Variants in KIF7 observed in about 807,000 individuals in gnomAD.
The protein encoded by KIF7 is kinesin-like protein KIF7.
A neutral mutation model predicts 135.7 loss-of-function variants in KIF7; 104 were observed. That is an observed-to-expected ratio of 0.77 (90% confidence interval 0.65 to 0.90). The LOEUF (loss-of-function observed/expected upper bound fraction) is 0.90. Ranked by LOEUF, KIF7 falls within the 40% of genes least tolerant of loss-of-function variation. The pLI is 0.00. For missense variants in KIF7, 2,005 were observed against 1,839.1 expected (o/e 1.09, Z -1.65); for synonymous variants, 883 against 809.4 (o/e 1.09, Z -1.54).
chr15:89,642,245 C>T lies in KIF7; in HGVS notation c.2352G>A (p.Gln784=), dbSNP rs767069973. The change falls in exon 11 of 19, where the codon CAG becomes CAA. Residue 784 remains glutamine (Q), a synonymous_variant. Transcript: ENST00000394412. ...CCGCAGCGACCCTCCTGCGGAACTC[C>T]TGGAGCCGAGACCGCTCGCCAGCAT... is the stretch of plus-strand genomic sequence containing the variant. ...LQDAGERSRL[Q]EFRRRVAAAQ... 4 of 1,610,486 alleles carry T rather than the reference C, an allele frequency of 2.5e-6. No individual in the cohort carries two copies. The highest frequency in any genetic ancestry group is 2.5e-6 in the Non-Finnish European group (3 of 1,179,772).
At chr15:89,624,048 C>A (rs905912735), downstream of KIF7, 9 of 1,613,878 alleles carry the variant, frequency 5.6e-6, no homozygotes, top group Admixed American at 1.2e-4. Flanking sequence ...CCATCAGAGA[C>A]CCTCTCAGAA....
Position 89,649,312 on chromosome 15 carries a change from G to C in KIF7, c.585C>G (p.Leu195=). Residue 195 remains leucine, a synonymous_variant, in exon 4 of 19, where the codon CTC becomes CTG. Transcript: ENST00000394412. ...GCCGCGCCGCGTTGCCCATCTCCAG[G>C]AGGCTCAGCACCTCATCCAGGCCCT... ...DVEGLDEVLS[L]LEMGNAARHT... is the part of the protein sequence containing the mutation. 3 of 1,486,924 alleles carry C rather than the reference G, an allele frequency of 2.0e-6. No individual in the cohort carries two copies. The highest frequency in any genetic ancestry group is 2.7e-6 in the Non-Finnish European group (3 of 1,112,968). The allele number at this position is 1,486,924 out of a possible 1,614,324, so 92.1% of individuals were successfully genotyped here.
chr15:89,626,098 A>G (rs1259674908), downstream of KIF7: 2 of 1,604,638 alleles, frequency 1.2e-6, no homozygotes, highest in African/African-American at 1.3e-5. Flanking sequence ...CTTTCCTGTG[A>G]CAGACTGTCT....
intron 1 of KIF7, among the ~76,000 whole-genome samples, chr15:89,654,464 G>A (rs1964177227): frequency 6.6e-6 from 1 of 151,826 alleles, no homozygotes; most frequent in Non-Finnish European, 1.5e-5. Flanking sequence ...CATCCCTCCC[G>A]GCTGAGGCTG....
downstream of KIF7, chr15:89,625,530 C>T (rs1030319944): frequency 1.1e-5 from 18 of 1,613,534 alleles, no homozygotes; most frequent in Middle Eastern, 1.6e-4. Flanking sequence ...ATTTTGAGCT[C>T]GAGGGAGTGT....
Position 89,645,065 on chromosome 15 carries a change from C to T in KIF7, c.2139G>A (p.Leu713=). The change falls in exon 10 of 19, where the codon CTG becomes CTA. Residue 713 remains leucine (L), a synonymous_variant. Transcript: ENST00000394412. ...LAQAQQKIRE[L]AINIRMKEEL... ...CCTCCTTCATGCGGATGTTGATAGC[C>T]AGCTCCCGGATCTTCTGCTGGGCCT... 1 of 1,606,370 alleles carries T rather than the reference C, an allele frequency of 6.2e-7. No homozygotes were observed. The highest frequency in any genetic ancestry group is 8.5e-7 in the Non-Finnish European group (1 of 1,179,992).
chr15:89,647,396 C>A (rs1310800839), intron 6 of KIF7, among the ~76,000 whole-genome samples, 200 bp downstream of exon 6: 1 of 152,130 alleles, frequency 6.6e-6, no homozygotes, highest in Admixed American at 6.5e-5. Context: ...AGCAAAGCTG[C>A]CCTGCCTGGC....
chr15:89,633,841 G>A lies in KIF7; in HGVS notation c.2437C>T (p.Leu813=), dbSNP rs575297087. 4 of 1,613,690 alleles carry A rather than the reference G, an allele frequency of 2.5e-6. No individual in the cohort carries two copies. Among genetic ancestry groups the A allele is most frequent in the South Asian group, 2.2e-5 (2 of 91,092 alleles). Residue 813 remains leucine, a synonymous_variant, in exon 12 of 19, where the codon CTG becomes TTG. Coordinates refer to ENST00000394412, the MANE Select transcript of KIF7 (RefSeq NM_198525.3). ...AGTCGCTTCTCACTCTGGGCCGACA[G>A]TGACACCAGCCGCTCCGTAGCCTGC... ...KKQATERLVS[L]SAQSEKRLQE... is the part of the protein sequence containing the mutation.
In KIF7 at chr15:89,628,230, A is replaced by T. The variant is rs1356317085; in HGVS notation, c.*189T>A. 4.8e-6 allele frequency: 3 copies of T among 618,906 alleles called. No homozygotes were observed. In the East Asian group the frequency reaches 8.2e-5, roughly 17 times the overall value. 38.3% of individuals were successfully genotyped at this position (618,906 alleles called of 1,614,324 possible). The stretch of plus-strand genomic sequence containing the variant: ...GGAAGTAAGTGGTGGGAATTTGCAT[A>T]TTATTTTGTTAAATGAGGGTCCAGT... On this transcript the variant is annotated 3_prime_UTR_variant, in exon 19 of 19. Transcript: ENST00000394412.
At chr15:89,625,892 T>G (rs556079533), downstream of KIF7, 4 of 1,542,432 alleles carry the variant, frequency 2.6e-6, no homozygotes, top group African/African-American at 5.5e-5. Flanking sequence ...GCTTCCCGGT[T>G]GGGGGTCTGG....
chr15:89,619,541 C>T (rs1156589304), intron 1 of KIF7, among the ~76,000 whole-genome samples: 1 of 151,996 alleles, frequency 6.6e-6, no homozygotes, highest in East Asian at 1.9e-4. Flanking sequence ...GTATCAAACC[C>T]CTCTTAGTTT....
chr15:89,632,235 T>A (rs1405183202), intron 14 of KIF7, among the ~76,000 whole-genome samples: 1 of 152,154 alleles, frequency 6.6e-6, no homozygotes, highest in Non-Finnish European at 1.5e-5. Context: ...GCCCCTGTAC[T>A]GGAACAGGCC....
chr15:89,629,241 CCACCAGGGCTGTAGG>C, intron 17 of KIF7, 119 bp from the exon 18 acceptor site: 1 of 1,078,078 alleles, frequency 9.3e-7, no homozygotes, highest in Non-Finnish European at 1.3e-6. Flanking sequence ...GTGGGCCGGG[CCACCAGGGCTGTAGG>C]TGCAGGGGCT....
upstream of KIF7, among the ~76,000 whole-genome samples, chr15:89,656,210 T>G (rs1434174804): frequency 6.6e-6 from 1 of 152,018 alleles, no homozygotes; most frequent in Non-Finnish European, 1.5e-5. Context: ...TAGGAAACCC[T>G]CAGCCTCCAG....
intron 11 of KIF7, among the ~76,000 whole-genome samples, chr15:89,635,552 C>T (rs1265644085): frequency 6.6e-6 from 1 of 151,936 alleles, no homozygotes; most frequent in Non-Finnish European, 1.5e-5. Flanking sequence ...GGAGCTGATG[C>T]GATCAACTGG....
chr15:89,624,083 T>A, downstream of KIF7: 2 of 1,613,426 alleles, frequency 1.2e-6, no homozygotes, highest in South Asian at 2.2e-5. Flanking sequence ...GCAGCCTTCA[T>A]GGGCACGCCT....
intron 16 of KIF7, 53 bp downstream of exon 16, chr15:89,630,234 T>C: frequency 6.5e-7 from 1 of 1,548,938 alleles, no homozygotes; most frequent in South Asian, 1.1e-5. Context: ...ATGAGACACC[T>C]CCCCACACGT....
chr15:89,634,128 G>T (rs371984064), intron 11 of KIF7, among the ~76,000 whole-genome samples: 8 of 152,238 alleles, frequency 5.3e-5, no homozygotes, highest in African/African-American at 1.9e-4. Flanking sequence ...GTGAAATCCT[G>T]TCTCTACTAA....
At chr15:89,617,823 C>G (rs1018679710) in intron 2 of KIF7, among the ~76,000 whole-genome samples, 1 of 151,852 alleles carries the variant, frequency 6.6e-6, no homozygotes, top group Admixed American at 6.6e-5. Context: ...TCCCAAGTAG[C>G]TGGGACTACA....
Sources: gnomAD v4.1 joint callset for allele counts (sites outside exome capture counted in the v4.1 genomes callset) on GRCh38, gnomAD v4.1.1 for gene constraint, MANE v1.5 for transcripts, NCBI Gene and HGNC (gene_info 2026-07-23, HGNC 2026-07-21) for gene names.